UROS: variants seen among roughly 807,000 people sequenced by gnomAD.
The protein encoded by UROS is uroporphyrinogen-III synthase.
In UROS, 18 loss-of-function variants were observed where a neutral mutation model predicts 33.0. The ratio of observed to expected loss-of-function variants is 0.55; its 90% CI spans 0.38 to 0.81. UROS has a LOEUF of 0.81. Ranked by LOEUF, UROS falls within the 30% of genes least tolerant of loss-of-function variation. The pLI is 0.00. For missense variants in UROS, 293 were observed against 314.9 expected, an observed-to-expected ratio of 0.93 and a Z score of 0.53; for synonymous variants, 114 against 121.1, an observed-to-expected ratio of 0.94 and a Z score of 0.38.
chr10:125,815,588 A>T (rs905528766), intron 3 of UROS, among the ~76,000 whole-genome samples: 1 of 152,240 alleles, frequency 6.6e-6, no homozygotes, highest in Non-Finnish European at 1.5e-5. Flanking sequence ...ACTCTGAGCC[A>T]GGCACTAGGC....
rs1854166267 is a variant in UROS, at chr10:125,823,217, G to A, written c.-215C>T. On this transcript the variant is annotated 5_prime_UTR_variant, in exon 1 of 10. Coordinates refer to ENST00000368797, the MANE Select transcript of UROS (RefSeq NM_000375.3). ...CCCAGGACCCCGCACCTCAGACTGG[G>A]GTCGCGTGGGTGGCTGCGCGCAGCT... is the stretch of plus-strand genomic sequence containing the variant. 9.2e-6 allele frequency: 2 copies of A among 217,024 alleles called. No homozygotes were observed. The highest frequency in any genetic ancestry group is 1.8e-5 in the Non-Finnish European group (2 of 109,032). The allele number at this position is 217,024 out of a possible 1,614,324, so 13.4% of individuals were successfully genotyped here. A position where few individuals can be genotyped will look rare whatever the true frequency, so the allele number is the denominator to read the frequency against.
intron 6 of UROS, among the ~76,000 whole-genome samples, chr10:125,803,385 C>A (rs1016099713): frequency 9.2e-5 from 14 of 152,240 alleles, no homozygotes; most frequent in Middle Eastern, 3.2e-3. Flanking sequence ...TGCCTGCCAG[C>A]AAGCCCTGGA....
Position 125,795,440 on chromosome 10 carries a change from C to T in UROS, c.562-462G>A, listed in dbSNP as rs563371840. On this transcript the variant is annotated intron_variant, in intron 8 of 9. Coordinates refer to ENST00000368797, the MANE Select transcript of UROS (RefSeq NM_000375.3). ...CAGGCCCTCCCAATACCAGGCAAGA[C>T]ATTCAGAAGCTTGCCCTGGGAGAGG... Among the ~76,000 whole-genome samples, 36 of 152,366 alleles carry T rather than the reference C, an allele frequency of 2.4e-4. No homozygotes were observed. The South Asian group carries it at 7.2e-3, about 31-fold the overall frequency.
chr10:125,820,005 C>A (rs948845788), intron 1 of UROS, among the ~76,000 whole-genome samples: 3 of 152,174 alleles, frequency 2.0e-5, no homozygotes, highest in African/African-American at 7.2e-5. Context: ...AATAAGGGCA[C>A]CTTACTGGTA....
Position 125,802,698 on chromosome 10 carries a change from A to C in UROS, c.395-4553T>G, listed in dbSNP as rs1851945442. ...TGAAAATGTCTCACAGTGCTGGCTC[A>C]TGAAACATTCTAGAGAAAGCCTAGC... is the stretch of plus-strand genomic sequence containing the variant. On this transcript the variant is annotated intron_variant, in intron 6 of 9. Transcript: ENST00000368797. 3.0e-6 allele frequency: 4 copies of C among 1,330,476 alleles called. No homozygotes were observed. In the Admixed American group the frequency reaches 1.3e-4, roughly 43 times the overall value. The allele number at this position is 1,330,476 out of a possible 1,614,324, so 82.4% of individuals were successfully genotyped here. A position where few individuals can be genotyped will look rare whatever the true frequency, so the allele number is the denominator to read the frequency against.
rs1461750942 is a variant in UROS, at chr10:125,788,730, G to C, written c.*138C>G. 2.8e-6 allele frequency: 4 copies of C among 1,441,018 alleles called. No individual in the cohort carries two copies. In the Admixed American group the frequency reaches 1.1e-4, roughly 40 times the overall value. 89.3% of individuals were successfully genotyped at this position (1,441,018 alleles called of 1,614,324 possible). A position where few individuals can be genotyped will look rare whatever the true frequency, so the allele number is the denominator to read the frequency against. ...AGCCCCAGGTCAGGTCCCGATCCCC[G>C]GTCCTCAGGTGCTTCCACTCAGGCT... On this transcript the variant is annotated 3_prime_UTR_variant, in exon 10 of 10. Transcript: ENST00000368797.
At chr10:125,800,274 C>T (rs761861552) in intron 6 of UROS, among the ~76,000 whole-genome samples, 12 of 152,224 alleles carry the variant, frequency 7.9e-5, no homozygotes, top group African/African-American at 1.7e-4. Context: ...ATGAAACCAG[C>T]GACCCAGGGG....
At position 125,807,790 on chromosome 10, in the gene UROS, C is replaced by T. The variant is rs10901442; in HGVS notation, c.320-303G>A. The stretch of plus-strand genomic sequence containing the variant: ...AACCACATGGAACTGTTTTAAGGAT[C>T]GTGTCAGATAATAAGAGCAAAGTGC... On this transcript the variant is annotated intron_variant, in intron 5 of 9. Transcript: ENST00000368797. Among the ~76,000 whole-genome samples the T allele has an allele frequency of 0.41, 62,297 of 152,000 alleles. 13,139 individuals carry two copies. Among genetic ancestry groups the T allele is most frequent in the Non-Finnish European group, 0.47 (31,693 of 67,982 alleles).
At position 125,807,528 on chromosome 10, in the gene UROS, T is replaced by G. The variant is rs76214779; in HGVS notation, c.320-41A>C. ...GAAATGTATTTCTTAACACGGTTAT[T>G]GAAGTCCTTTTGTTCCAGCGTTATT... On this transcript the variant is annotated intron_variant, in intron 5 of 9. Coordinates refer to ENST00000368797, the MANE Select transcript of UROS (RefSeq NM_000375.3). 70 of 1,512,188 alleles carry G rather than the reference T, an allele frequency of 4.6e-5. 1 individual carries two copies. The East Asian group carries it at 1.5e-3, about 33-fold the overall frequency. 93.7% of individuals were successfully genotyped at this position (1,512,188 alleles called of 1,614,324 possible).
downstream of UROS, among the ~76,000 whole-genome samples, chr10:125,786,971 G>T (rs564768880): frequency 3.9e-5 from 6 of 152,188 alleles, no homozygotes; most frequent in African/African-American, 1.4e-4. Flanking sequence ...TCACGCAATC[G>T]TCGAGGACAC....
At position 125,811,806 on chromosome 10, in the gene UROS, A is replaced by C. The variant is rs191252419; in HGVS notation, c.319+408T>G. 5.4e-4 allele frequency among the ~76,000 whole-genome samples: 26 copies of C among 47,804 alleles called. 1 individual carries two copies. Among genetic ancestry groups the C allele is most frequent in the African/African-American group, 2.0e-3 (25 of 12,280 alleles). The allele number at this position is 47,804 out of a possible 152,430, so 31.4% of individuals were successfully genotyped here. ...AAATGCACAAAATATTAAGAAAACC[A>C]AAAAAAAACAACTATGATATCACTA... On this transcript the variant is annotated intron_variant, in intron 5 of 9. Transcript: ENST00000368797.
chr10:125,798,595 G>A (rs576081560), intron 6 of UROS, among the ~76,000 whole-genome samples: 5 of 152,310 alleles, frequency 3.3e-5, no homozygotes, highest in South Asian at 4.1e-4. Context: ...GGAGGCAGCC[G>A]GTAACCGGCA....
chr10:125,788,432 G>T, downstream of UROS: 1 of 569,730 alleles, frequency 1.8e-6, no homozygotes, highest in Non-Finnish European at 2.2e-6. Flanking sequence ...GGAACTTCAC[G>T]GTCCTTTTTA....
chr10:125,800,710 G>A lies in UROS; in HGVS notation c.395-2565C>T, dbSNP rs144216793. Reference sequence around the variant, plus strand: ...CTGAGTAGCTGGGATTACAGACGCGGCCACCAAGCCCAGGTAATTTTTGTA... The same window carrying A: ...CTGAGTAGCTGGGATTACAGACGCGACCACCAAGCCCAGGTAATTTTTGTA... On this transcript the variant is annotated intron_variant, in intron 6 of 9. Coordinates refer to ENST00000368797, the MANE Select transcript of UROS (RefSeq NM_000375.3). Among the ~76,000 whole-genome samples the A allele has an allele frequency of 2.4e-4, 37 of 151,958 alleles. 1 individual carries two copies. The highest frequency in any genetic ancestry group is 8.7e-4 in the African/African-American group (36 of 41,458).
At chr10:125,785,543 A>G (rs1298399178), downstream of UROS, 1 of 152,200 alleles carries the variant, frequency 6.6e-6, no homozygotes, top group Non-Finnish European at 1.5e-5. Flanking sequence ...ATACAACACA[A>G]TGTTTTTATT....
Position 125,788,819 on chromosome 10 carries a change from G to GCCAGC in UROS, c.*44_*48dup, listed in dbSNP as rs764517184. 6 of 1,543,796 alleles carry GCCAGC rather than the reference G, an allele frequency of 3.9e-6. No homozygotes were observed. The highest frequency in any genetic ancestry group is 1.4e-5 in the African/African-American group (1 of 73,208). On this transcript the variant is annotated 3_prime_UTR_variant, in exon 10 of 10. Coordinates refer to ENST00000368797, the MANE Select transcript of UROS (RefSeq NM_000375.3). ...TTGCCGATGCCTGGCTCCATCCAGA[G>GCCAGC]CCAGCCCAGCCCAGGGAGGCTGCAT...
chr10:125,786,516 A>G (rs11244645), downstream of UROS, among the ~76,000 whole-genome samples: 119,015 of 151,988 alleles, frequency 0.78, 46,911 homozygotes, highest in African/African-American at 0.82. Flanking sequence ...CGCCCGCCTC[A>G]GCCTCCCACA....
downstream of UROS, among the ~76,000 whole-genome samples, chr10:125,786,382 A>G (rs892450909): frequency 1.3e-5 from 2 of 151,648 alleles, no homozygotes; most frequent in African/African-American, 2.4e-5. Context: ...GCTTCAAGCA[A>G]TTCTCCTGCC....
At chr10:125,811,863 G>A (rs1852845480) in intron 5 of UROS, among the ~76,000 whole-genome samples, 1 of 151,570 alleles carries the variant, frequency 6.6e-6, no homozygotes, top group Non-Finnish European at 1.5e-5. Context: ...AAAAATTATA[G>A]TAAAAATATA....
Sources: allele counts gnomAD v4.1 joint callset (sites outside exome capture counted in the v4.1 genomes callset), GRCh38; gene constraint gnomAD v4.1.1; transcripts MANE v1.5; gene names NCBI Gene and HGNC (gene_info 2026-07-23, HGNC 2026-07-21).